The following SYNPO2 variants were observed in gnomAD, a reference collection of about 807,000 sequenced individuals.
SYNPO2 encodes the protein synaptopodin 2.
Under a neutral mutation model 85.0 loss-of-function variants are expected in SYNPO2, and 56 were observed. That is an observed-to-expected ratio of 0.66 (90% CI 0.53 to 0.82). The LOEUF (loss-of-function observed/expected upper bound fraction) is 0.82. Ranked by LOEUF, SYNPO2 falls within the 40% of genes least tolerant of loss-of-function variation. The probability of loss-of-function intolerance (pLI) is 0.00; values close to 1 mark genes in which losing one functional copy is unlikely to be tolerated. For synonymous variants in SYNPO2, 602 were observed against 591.1 expected, an observed-to-expected ratio of 1.02 and a Z score of -0.27; for missense variants, 1,575 against 1,534.2, an observed-to-expected ratio of 1.03 and a Z score of -0.44.
At chr4:118,900,701 CTCTATATATA>C (rs1341297177) in intron 1 of SYNPO2, among the ~76,000 whole-genome samples, 90 of 27,176 alleles carry the variant, frequency 3.3e-3, no homozygotes, top group South Asian at 8.8e-3. Flanking sequence ...CTCTCTCTCT[CTCTATATATA>C]TATATATATA....
At chr4:118,922,799 G>C (rs1198663875) in intron 1 of SYNPO2, among the ~76,000 whole-genome samples, 1 of 152,098 alleles carries the variant, frequency 6.6e-6, no homozygotes, top group South Asian at 2.1e-4. Context: ...AAACTCCAGG[G>C]AGAAGTGTCT....
intron 4 of SYNPO2, chr4:119,037,187 T>C: frequency 6.5e-7 from 1 of 1,543,434 alleles, no homozygotes; most frequent in South Asian, 1.2e-5. Flanking sequence ...TTCCTCTACC[T>C]GATAATGATA....
intron 1 of SYNPO2, among the ~76,000 whole-genome samples, chr4:118,935,207 A>G (rs1019508648): frequency 2.0e-5 from 3 of 152,136 alleles, no homozygotes; most frequent in Non-Finnish European, 2.9e-5. Context: ...GTTTATTGCT[A>G]TATGTGTGAG....
intron 4 of SYNPO2, among the ~76,000 whole-genome samples, chr4:119,055,910 A>T (rs1197139511): frequency 6.6e-6 from 1 of 152,214 alleles, no homozygotes; most frequent in Non-Finnish European, 1.5e-5. Flanking sequence ...AATAAAAAAA[A>T]AACGAAACAT....
intron 1 of SYNPO2, among the ~76,000 whole-genome samples, chr4:118,878,842 C>G (rs1042201617): frequency 2.6e-5 from 4 of 152,218 alleles, no homozygotes; most frequent in African/African-American, 7.2e-5. Context: ...CTGGCCACCC[C>G]AGCCAGCAGA....
At chr4:118,989,296 T>C (rs1736326138) in intron 1 of SYNPO2, among the ~76,000 whole-genome samples, 1 of 152,184 alleles carries the variant, frequency 6.6e-6, no homozygotes, top group African/African-American at 2.4e-5. Flanking sequence ...GTGTTCATCT[T>C]CTGGGGGAGT....
At chr4:119,022,742 G>GTTTTA (rs1262905133) in intron 1 of SYNPO2, among the ~76,000 whole-genome samples, 4 of 80,318 alleles carry the variant, frequency 5.0e-5, no homozygotes, top group African/African-American at 8.5e-5. Flanking sequence ...TTTATTTTAT[G>GTTTTA]TTTTATTTTA....
chr4:119,026,547 A>G (rs1254776972), intron 2 of SYNPO2, 80 bp from the exon 3 acceptor site: 7 of 1,433,478 alleles, frequency 4.9e-6, no homozygotes, highest in Non-Finnish European at 6.6e-6. Flanking sequence ...CATATTAGAC[A>G]TCACAAAAGT....
chr4:118,967,905 C>A (rs1275422249), intron 1 of SYNPO2, among the ~76,000 whole-genome samples: 3 of 150,024 alleles, frequency 2.0e-5, no homozygotes, highest in Non-Finnish European at 4.4e-5. Context: ...CCTATCCATG[C>A]AACTTTAAAC....
chr4:119,007,268 ATATATATG>A (rs1560972629), intron 1 of SYNPO2, among the ~76,000 whole-genome samples: 25 of 86,444 alleles, frequency 2.9e-4, no homozygotes, highest in East Asian at 1.0e-3. Flanking sequence ...ATATATATAT[ATATATATG>A]TATATACATA....
Position 119,008,089 on chromosome 4 carries a change from G to A in SYNPO2, c.106-15341G>A, listed in dbSNP as rs190852191. On this transcript the variant is annotated intron_variant, in intron 1 of 4. Coordinates refer to ENST00000307142, the MANE Select transcript of SYNPO2 (RefSeq NM_133477.3). ...TCTGAGAGGCTTTGTTCAGGAACTC[G>A]GCCATATTCATCTTCATAGATTTCA... is the stretch of plus-strand genomic sequence containing the variant. Among the ~76,000 whole-genome samples, 49 of 152,220 alleles carry A rather than the reference G, an allele frequency of 3.2e-4. No individual in the cohort carries two copies. The East Asian group carries it at 6.9e-3, about 22-fold the overall frequency.
At chr4:118,974,218 A>AT (rs1174829931) in intron 1 of SYNPO2, among the ~76,000 whole-genome samples, 1 of 152,256 alleles carries the variant, frequency 6.6e-6, no homozygotes, top group African/African-American at 2.4e-5. Flanking sequence ...CATCTGTAGC[A>AT]TTTCTCAGTG....
At position 118,928,089 on chromosome 4, in the gene SYNPO2, A is replaced by G. The variant is rs187238988; in HGVS notation, c.105+38948A>G. On this transcript the variant is annotated intron_variant, in intron 1 of 4. Transcript: ENST00000307142. ...CAGGAGGTTTGCTAGGCAACCCAGA[A>G]GGAGCTTTCAAACAAGCCTAGATAT... Among the ~76,000 whole-genome samples the G allele has an allele frequency of 6.9e-3, 1,058 of 152,318 alleles. 6 individuals are homozygous for G. The highest frequency in any genetic ancestry group is 0.024 in the Middle Eastern group (7 of 294).
At chr4:119,032,929 T>TTTGA in intron 4 of SYNPO2, 1 of 905,320 alleles carries the variant, frequency 1.1e-6, no homozygotes, top group Non-Finnish European at 1.3e-6. Context: ...AAAGGTTGAT[T>TTTGA]CCCACCCTCC....
intron 1 of SYNPO2, among the ~76,000 whole-genome samples, chr4:119,011,001 C>G (rs1269460188): frequency 6.6e-6 from 1 of 152,222 alleles, no homozygotes; most frequent in Non-Finnish European, 1.5e-5. Context: ...TGGTGACATT[C>G]ATGCAGGCTC....
intron 1 of SYNPO2, among the ~76,000 whole-genome samples, chr4:118,916,564 A>G (rs955722426): frequency 6.6e-6 from 1 of 150,404 alleles, no homozygotes; most frequent in Non-Finnish European, 1.5e-5. Flanking sequence ...ATTACTTACT[A>G]TTAGATCTTG....
intron 1 of SYNPO2, among the ~76,000 whole-genome samples, chr4:118,960,799 G>C (rs1228678883): frequency 6.6e-6 from 1 of 152,090 alleles, no homozygotes; most frequent in African/African-American, 2.4e-5. Context: ...CTCCAGGAGA[G>C]AGTCTAAGCA....
At chr4:118,856,928 T>A (rs552305965) in intron 1 of SYNPO2, among the ~76,000 whole-genome samples, 5 of 152,318 alleles carry the variant, frequency 3.3e-5, no homozygotes, top group African/African-American at 9.6e-5. Flanking sequence ...TGTATGGTAT[T>A]TTAAGTAAAG....
intron 4 of SYNPO2, among the ~76,000 whole-genome samples, chr4:119,053,524 G>T (rs976890252): frequency 6.6e-6 from 1 of 152,192 alleles, no homozygotes; most frequent in African/African-American, 2.4e-5. Context: ...TCATATGCAT[G>T]TTTGGCGTGA....
Sources: gnomAD v4.1 joint callset for allele counts (sites outside exome capture counted in the v4.1 genomes callset) on GRCh38, gnomAD v4.1.1 for gene constraint, MANE v1.5 for transcripts, NCBI Gene and HGNC (gene_info 2026-07-23, HGNC 2026-07-21) for gene names.